Variants in ZMYND8 observed in about 807,000 individuals in gnomAD.
ZMYND8 encodes the protein MYND-type zinc finger-containing chromatin reader ZMYND8.
ZMYND8 carries 37 observed loss-of-function variants against 140.8 expected under a neutral mutation model. The observed-to-expected ratio is 0.26, with a 90% CI of 0.20 to 0.35. The LOEUF is 0.35. Ranked by LOEUF, ZMYND8 falls within the 10% of genes least tolerant of loss-of-function variation. The pLI, the probability that ZMYND8 is intolerant of heterozygous loss-of-function variation, is 1.00. For synonymous variants in ZMYND8, 592 were observed against 597.1 expected, an observed-to-expected ratio of 0.99 and a Z score of 0.12; for missense variants, 1,068 against 1,570.0, an observed-to-expected ratio of 0.68 and a Z score of 5.40.
At chr20:47,332,807 A>T (rs1602012029) in intron 2 of ZMYND8, among the ~76,000 whole-genome samples, 1 of 152,230 alleles carries the variant, frequency 6.6e-6, no homozygotes, top group Non-Finnish European at 1.5e-5. Context: ...TCCTAAATCT[A>T]TACCCAAGAG....
chr20:47,320,294 A>G (rs553299395), intron 2 of ZMYND8: 1 of 152,370 alleles, frequency 6.6e-6, no homozygotes, highest in East Asian at 1.9e-4. Context: ...CCACCTAAAG[A>G]AGGCAAAATT....
intron 1 of ZMYND8, chr20:47,354,316 A>C (rs2083040113): frequency 1.3e-5 from 2 of 152,212 alleles, no homozygotes; most frequent in Non-Finnish European, 2.9e-5. Flanking sequence ...CAGCCCAACA[A>C]ACACAGTATT....
intron 3 of ZMYND8, among the ~76,000 whole-genome samples, chr20:47,307,373 G>T (rs533639963): frequency 2.6e-5 from 4 of 151,918 alleles, no homozygotes; most frequent in African/African-American, 9.7e-5. Context: ...CAGGAGAATC[G>T]CTTGAACCCA....
chr20:47,287,476 C>CTT, intron 7 of ZMYND8, among the ~76,000 whole-genome samples, 192 bp from the exon 8 acceptor site: 1 of 152,308 alleles, frequency 6.6e-6, no homozygotes, highest in Non-Finnish European at 1.5e-5. Context: ...GTCGACGACT[C>CTT]TTTGGCGCCT....
At chr20:47,251,617 GAA>G (rs1006470971) in intron 12 of ZMYND8, among the ~76,000 whole-genome samples, 14 of 151,938 alleles carry the variant, frequency 9.2e-5, no homozygotes, top group Admixed American at 1.3e-4. Flanking sequence ...CAAAGAACTA[GAA>G]AACTCTTTAT....
At chr20:47,308,743 C>G (rs2078692366) in intron 3 of ZMYND8, among the ~76,000 whole-genome samples, 1 of 152,138 alleles carries the variant, frequency 6.6e-6, no homozygotes, top group Non-Finnish European at 1.5e-5. Flanking sequence ...AGCCACGGAG[C>G]AAAAGCAGGG....
rs547877501 is a variant in ZMYND8 at position 47,218,334 on chromosome 20, C to T, written c.3484+1924G>A. 2.1e-4 allele frequency among the ~76,000 whole-genome samples: 32 copies of T among 152,336 alleles called. No individual in the cohort carries two copies. The South Asian group carries it at 6.2e-3, about 30-fold the overall frequency. ...TTGAGGCTCCAAAACCCTAACAGCA[C>T]CCCTCTGTCTGAAACGGTGTTTCCC... On this transcript the variant is annotated intron_variant, in intron 21 of 22. Coordinates refer to ENST00000471951, the MANE Select transcript of ZMYND8 (RefSeq NM_001281775.3).
At chr20:47,255,722 G>GTATGTATA (rs1555924863) in intron 12 of ZMYND8, among the ~76,000 whole-genome samples, 1 of 77,766 alleles carries the variant, frequency 1.3e-5, no homozygotes, top group Admixed American at 1.7e-4. Context: ...GTGTATGTGT[G>GTATGTATA]TATATATATA....
At chr20:47,335,227 C>G (rs1185103409) in intron 2 of ZMYND8, among the ~76,000 whole-genome samples, 28 of 151,826 alleles carry the variant, frequency 1.8e-4, no homozygotes, top group Admixed American at 1.8e-3. Context: ...GCTTGGGCGA[C>G]AGAGAGAGAC....
In ZMYND8 at chr20:47,337,728, T is replaced by C. The variant is rs114083442; in HGVS notation, c.85+10128A>G. Among the ~76,000 whole-genome samples the C allele has an allele frequency of 5.7e-3, 861 of 152,240 alleles. 10 individuals are homozygous for C. Among genetic ancestry groups the C allele is most frequent in the African/African-American group, 0.02 (815 of 41,538 alleles). On this transcript the variant is annotated intron_variant, in intron 2 of 22. Transcript: ENST00000471951. ...CCTGGCATCGAGATGGCACTTCCCA[T>C]TGATGTAGGAGCATCTTTCAGCAGG...
intron 18 of ZMYND8, among the ~76,000 whole-genome samples, chr20:47,226,518 TAA>T (rs1241480840): frequency 1.3e-5 from 2 of 152,190 alleles, no homozygotes; most frequent in Non-Finnish European, 2.9e-5. Context: ...CAGATATTGT[TAA>T]AGTGCCTAGC....
chr20:47,345,628 C>T (rs1028675089), intron 2 of ZMYND8, among the ~76,000 whole-genome samples: 1 of 151,916 alleles, frequency 6.6e-6, no homozygotes, highest in African/African-American at 2.4e-5. Context: ...CTGCTTCAGC[C>T]TCCCAAGTAA....
chr20:47,231,432 G>A (rs983427285), intron 16 of ZMYND8, among the ~76,000 whole-genome samples: 11 of 152,246 alleles, frequency 7.2e-5, no homozygotes, highest in Non-Finnish European at 1.2e-4. Flanking sequence ...ATGCCGCCCC[G>A]GTAGGGTGTG....
intron 4 of ZMYND8, among the ~76,000 whole-genome samples, chr20:47,295,471 T>A (rs866690425): frequency 6.6e-6 from 1 of 152,354 alleles, no homozygotes; most frequent in African/African-American, 2.4e-5. Context: ...TGGGTACTTA[T>A]CAACCATTTA....
chr20:47,224,387 G>A lies in ZMYND8; in HGVS notation c.3186C>T (p.Asn1062=). ...GGCAGGGGTAGTCACAGTAGCTGGT[G>A]TTCCAACAGCAGTAAAAGATGGCCT... ...KKEAIFYCCW[N]TSYCDYPCQQ... Residue 1062 remains asparagine (N), a synonymous_variant, in exon 19 of 23, where the codon AAC becomes AAT. Coordinates refer to ENST00000471951, the MANE Select transcript of ZMYND8 (RefSeq NM_001281775.3). 2 of 1,614,264 alleles carry A rather than the reference G, an allele frequency of 1.2e-6. No homozygotes were observed. Among genetic ancestry groups the A allele is most frequent in the Non-Finnish European group, 1.7e-6 (2 of 1,180,050 alleles).
At chr20:47,291,312 G>A (rs527665505) in intron 6 of ZMYND8, among the ~76,000 whole-genome samples, 27 of 152,166 alleles carry the variant, frequency 1.8e-4, no homozygotes, top group African/African-American at 6.3e-4. Context: ...AATTTTCAGC[G>A]TGGAATTTTA....
At chr20:47,349,984 T>G in intron 1 of ZMYND8, 1 of 1,516,928 alleles carries the variant, frequency 6.6e-7, no homozygotes, top group Non-Finnish European at 8.8e-7. Flanking sequence ...CAGGCAGGAA[T>G]GCTGCTGAGA....
In ZMYND8 at chr20:47,210,037, T is replaced by C. The variant is rs770029845; in HGVS notation, c.*724A>G. On this transcript the variant is annotated 3_prime_UTR_variant, in exon 23 of 23. Transcript: ENST00000471951. The stretch of plus-strand genomic sequence containing the variant: ...GACTGAGCTGAGTGGGGCTTGTTTG[T>C]TTCTCTTCTGTAAACAAGGATATTG... The C allele has an allele frequency of 9.2e-5, 14 of 152,682 alleles. No individual in the cohort carries two copies. The highest frequency in any genetic ancestry group is 1.5e-4 in the Non-Finnish European group (10 of 68,054). 9.5% of individuals were successfully genotyped at this position (152,682 alleles called of 1,614,324 possible).
chr20:47,310,588 G>A (rs1160871485), intron 2 of ZMYND8, among the ~76,000 whole-genome samples: 1 of 151,906 alleles, frequency 6.6e-6, no homozygotes, highest in Non-Finnish European at 1.5e-5. Flanking sequence ...ACAAGGTCAA[G>A]AGTTCAAGAC....
Sources: gnomAD v4.1 joint callset for allele counts (sites outside exome capture counted in the v4.1 genomes callset) on GRCh38, gnomAD v4.1.1 for gene constraint, MANE v1.5 for transcripts, NCBI Gene and HGNC (gene_info 2026-07-23, HGNC 2026-07-21) for gene names.